Variants in RBFOX1 observed in about 807,000 individuals in gnomAD.
RBFOX1 encodes RNA binding fox-1 homolog 1.
In RBFOX1, 8 loss-of-function variants were observed where a neutral mutation model predicts 57.7. The observed-to-expected ratio is 0.14, with a 90% CI of 0.08 to 0.25. RBFOX1 has a LOEUF of 0.25. Ranked by LOEUF, RBFOX1 falls within the 10% of genes least tolerant of loss-of-function variation. The pLI is 1.00. For synonymous variants in RBFOX1, 326 were observed against 222.4 expected, an observed-to-expected ratio of 1.47 and a Z score of -4.15; for missense variants, 611 against 548.5, an observed-to-expected ratio of 1.11 and a Z score of -1.14.
intron 1 of RBFOX1, among the ~76,000 whole-genome samples, chr16:6,280,621 C>T (rs1451227748): frequency 6.6e-6 from 1 of 152,036 alleles, no homozygotes; most frequent in Non-Finnish European, 1.5e-5. Context: ...GTGGCCGTGG[C>T]ATTATTTAGC....
intron 1 of RBFOX1, among the ~76,000 whole-genome samples, chr16:5,423,456 C>T (rs2067416540): frequency 1.3e-5 from 2 of 152,180 alleles, no homozygotes; most frequent in African/African-American, 2.4e-5. Context: ...ATCCCTTTAT[C>T]CTGGCTCCCT....
chr16:6,881,620 C>A (rs1377337848), intron 3 of RBFOX1, among the ~76,000 whole-genome samples: 1 of 152,198 alleles, frequency 6.6e-6, no homozygotes, highest in African/African-American at 2.4e-5. Flanking sequence ...CTGACTTTAA[C>A]TTGATTCCCT....
At chr16:6,635,683 G>T (rs533630536) in intron 2 of RBFOX1, among the ~76,000 whole-genome samples, 1 of 152,114 alleles carries the variant, frequency 6.6e-6, no homozygotes, top group Admixed American at 6.6e-5. Context: ...TGAGTCTTAC[G>T]GTTTTGTGAA....
chr16:5,597,200 C>A (rs900514771), intron 2 of RBFOX1, among the ~76,000 whole-genome samples: 2 of 151,454 alleles, frequency 1.3e-5, no homozygotes, highest in Non-Finnish European at 1.5e-5. Context: ...CTGTCTATAT[C>A]TTTGTCTCTC....
At chr16:5,777,086 A>C (rs1048696414) in intron 3 of RBFOX1, among the ~76,000 whole-genome samples, 3 of 152,164 alleles carry the variant, frequency 2.0e-5, no homozygotes, top group East Asian at 1.9e-4. Context: ...TGCTGGAGCA[A>C]ATTACTCACA....
intron 4 of RBFOX1, among the ~76,000 whole-genome samples, chr16:7,371,686 G>A (rs1289587838): frequency 6.6e-6 from 1 of 152,138 alleles, no homozygotes; most frequent in Non-Finnish European, 1.5e-5. Flanking sequence ...TGGGGCGGAG[G>A]TTGCAGTGAG....
chr16:7,071,513 T>A (rs2057328064), intron 4 of RBFOX1, among the ~76,000 whole-genome samples: 1 of 151,832 alleles, frequency 6.6e-6, no homozygotes, highest in African/African-American at 2.4e-5. Flanking sequence ...TTTGAATAGA[T>A]TTGAAAGCAA....
intron 3 of RBFOX1, among the ~76,000 whole-genome samples, chr16:6,974,737 T>A (rs768772758): frequency 2.2e-4 from 33 of 152,104 alleles, no homozygotes; most frequent in Non-Finnish European, 4.4e-4. Flanking sequence ...TCTTATCTCT[T>A]AACTGAAACT....
chr16:6,398,870 G>T (rs1388393104), intron 2 of RBFOX1, among the ~76,000 whole-genome samples: 1 of 152,224 alleles, frequency 6.6e-6, no homozygotes, highest in African/African-American at 2.4e-5. Context: ...ACTAGGCGGT[G>T]CTCCAGTGGG....
intron 3 of RBFOX1, among the ~76,000 whole-genome samples, chr16:5,609,492 T>C (rs2047699384): frequency 6.6e-6 from 1 of 152,172 alleles, no homozygotes; most frequent in African/African-American, 2.4e-5. Context: ...TATTTCCTTC[T>C]TGTGGAGACA....
intron 3 of RBFOX1, among the ~76,000 whole-genome samples, chr16:6,683,888 A>ACCATTT (rs2059040417): frequency 6.6e-6 from 1 of 152,200 alleles, no homozygotes. Context: ...TTTACACGAA[A>ACCATTT]TGGTTGTAAG....
intron 2 of RBFOX1, among the ~76,000 whole-genome samples, chr16:6,554,860 GCT>G (rs1212012975): frequency 1.4e-5 from 2 of 147,510 alleles, no homozygotes; most frequent in Non-Finnish European, 1.5e-5. Context: ...TCGCTCTGTC[GCT>G]CTCTCTCTCA....
At chr16:5,364,817 G>A (rs1202293452) in intron 1 of RBFOX1, among the ~76,000 whole-genome samples, 1 of 152,166 alleles carries the variant, frequency 6.6e-6, no homozygotes, top group African/African-American at 2.4e-5. Flanking sequence ...GACCAGCTAT[G>A]GGGCTTGGCT....
At chr16:5,315,098 T>C (rs2064199103) in intron 1 of RBFOX1, among the ~76,000 whole-genome samples, 1 of 152,124 alleles carries the variant, frequency 6.6e-6, no homozygotes, top group Non-Finnish European at 1.5e-5. Context: ...TGGAGCCTTA[T>C]GAATCATGAT....
In RBFOX1 at chr16:5,605,372, G is replaced by A. The variant is rs550769581; in HGVS notation, c.318+6411G>A. On this transcript the variant is annotated intron_variant, in intron 3 of 19. Transcript: ENST00000641259. ...AGTAGGTAACACCTCATTTATAGAC[G>A]GCAGTCAGATGGGAGTGGAGGTTAG... Among the ~76,000 whole-genome samples, 12 of 152,304 alleles carry A rather than the reference G, an allele frequency of 7.9e-5. No homozygotes were observed. In the South Asian group the frequency reaches 1.0e-3, roughly 13 times the overall value.
intron 2 of RBFOX1, among the ~76,000 whole-genome samples, chr16:6,631,505 G>T (rs535820093): frequency 1.6e-4 from 24 of 151,940 alleles, no homozygotes; most frequent in African/African-American, 5.1e-4. Context: ...TACTCCATTC[G>T]CTCCTGAACA....
At chr16:6,159,758 G>A (rs1244568783) in intron 1 of RBFOX1, among the ~76,000 whole-genome samples, 1 of 152,208 alleles carries the variant, frequency 6.6e-6, no homozygotes, top group Non-Finnish European at 1.5e-5. Context: ...TCGCAGGGAT[G>A]TGATTTGGTT....
chr16:6,946,756 C>G (rs1259103789), intron 3 of RBFOX1, among the ~76,000 whole-genome samples: 2 of 152,078 alleles, frequency 1.3e-5, no homozygotes, highest in Middle Eastern at 3.2e-3. Context: ...ACTCACTCCA[C>G]TCTGCCCAAC....
intron 3 of RBFOX1, among the ~76,000 whole-genome samples, chr16:6,880,316 G>A (rs1174700646): frequency 6.6e-6 from 1 of 152,200 alleles, no homozygotes; most frequent in Non-Finnish European, 1.5e-5. Flanking sequence ...GGCAGCCAGA[G>A]AGACAGCCTC....
Sources: allele counts gnomAD v4.1 joint callset (sites outside exome capture counted in the v4.1 genomes callset), GRCh38; gene constraint gnomAD v4.1.1; transcripts MANE v1.5; gene names NCBI Gene and HGNC (gene_info 2026-07-23, HGNC 2026-07-21).